Variants in NF1 observed in about 807,000 individuals in gnomAD.
NF1 encodes neurofibromin 1.
NF1 carries 122 observed loss-of-function variants against 325.7 expected under a neutral mutation model. The observed-to-expected ratio is 0.37, with a 90% CI of 0.32 to 0.44. NF1 has a LOEUF of 0.44. Among genes scored for constraint, NF1 ranks in the 20% least tolerant of loss-of-function variants. The pLI, the probability that NF1 is intolerant of heterozygous loss-of-function variation, is 1.00. For synonymous variants in NF1, 1,091 were observed against 1,186.0 expected, an observed-to-expected ratio of 0.92 and a Z score of 1.65; for missense variants, 2,140 against 3,415.4, an observed-to-expected ratio of 0.63 and a Z score of 9.31.
At chr17:31,255,141 C>T (rs1260904621) in intron 31 of NF1, among the ~76,000 whole-genome samples, 3 of 152,126 alleles carry the variant, frequency 2.0e-5, no homozygotes, top group Non-Finnish European at 4.4e-5. Flanking sequence ...GTCTGCCTAA[C>T]TCAGGGAGAA....
intron 29 of NF1, among the ~76,000 whole-genome samples, chr17:31,243,180 C>CTGTGTGTGTGTGTGTGTGTGTGTGTG (rs1162406311): frequency 9.6e-5 from 7 of 73,260 alleles, no homozygotes; most frequent in Admixed American, 2.8e-4. Flanking sequence ...GTCTCTCTCT[C>CTGTGTGTGTGTGTGTGTGTGTGTGTG]TGTCTGTGTG....
chr17:31,133,300 A>T (rs181021027), intron 1 of NF1: 1 of 152,174 alleles, frequency 6.6e-6, no homozygotes, highest in Non-Finnish European at 1.5e-5. Context: ...GTTAATCCAC[A>T]TTGCAGCATA....
intron 5 of NF1, 54 bp downstream of exon 5, chr17:31,170,051 A>C: frequency 1.9e-6 from 2 of 1,078,748 alleles, no homozygotes; most frequent in Non-Finnish European, 1.4e-6. Flanking sequence ...AAAAACTAGT[A>C]TCATGAATGT....
chr17:31,229,671 C>T, intron 21 of NF1, 164 bp from the exon 22 acceptor site: 1 of 994,942 alleles, frequency 1.0e-6, no homozygotes. Flanking sequence ...GTATACGTGC[C>T]CTGTGTATGG....
At chr17:31,337,951 C>A (rs2069721618) in intron 44 of NF1, 71 bp downstream of exon 44, 2 of 1,530,150 alleles carry the variant, frequency 1.3e-6, no homozygotes, top group Non-Finnish European at 1.8e-6. Flanking sequence ...ACTGTATGAT[C>A]AATGTTATAA....
At chr17:31,244,058 C>G (rs2067350110) in intron 29 of NF1, among the ~76,000 whole-genome samples, 1 of 152,116 alleles carries the variant, frequency 6.6e-6, no homozygotes, top group African/African-American at 2.4e-5. Flanking sequence ...CTGGGTCCTT[C>G]CTTTTAAGAC....
At chr17:31,291,055 T>C (rs950083262) in intron 36 of NF1, among the ~76,000 whole-genome samples, 3 of 151,986 alleles carry the variant, frequency 2.0e-5, no homozygotes, top group African/African-American at 7.3e-5. Flanking sequence ...TTAATGTAAC[T>C]GTAGTATTTA....
At chr17:31,311,175 A>G (rs575482052) in intron 36 of NF1, among the ~76,000 whole-genome samples, 43 of 151,210 alleles carry the variant, frequency 2.8e-4, no homozygotes, top group South Asian at 1.5e-3. Context: ...CTTGCCTTGA[A>G]CTCCTGGACT....
intron 5 of NF1, among the ~76,000 whole-genome samples, chr17:31,170,509 C>T (rs984409195): frequency 2.6e-5 from 4 of 152,204 alleles, no homozygotes; most frequent in Non-Finnish European, 5.9e-5. Context: ...TACAAAGTCC[C>T]TTAACCTTCC....
At chr17:31,120,038 T>C (rs933274718) in intron 1 of NF1, among the ~76,000 whole-genome samples, 22 of 152,174 alleles carry the variant, frequency 1.4e-4, no homozygotes, top group Admixed American at 1.2e-3. Context: ...TGAAGTCAGG[T>C]AGTGTGATGC....
At chr17:31,296,179 A>C (rs1191438246) in intron 36 of NF1, 8 of 1,613,424 alleles carry the variant, frequency 5.0e-6, no homozygotes, top group African/African-American at 1.3e-5. Context: ...CTTGCAGTCC[A>C]GATGGTAATG....
chr17:31,319,769 AACAG>A (rs1434853296), intron 36 of NF1, among the ~76,000 whole-genome samples: 2 of 150,418 alleles, frequency 1.3e-5, no homozygotes, highest in African/African-American at 4.8e-5. Context: ...AAAAAAAAAA[AACAG>A]CAAATTTCCT....
At chr17:31,354,037 T>G (rs2070213968) in intron 51 of NF1, among the ~76,000 whole-genome samples, 1 of 152,238 alleles carries the variant, frequency 6.6e-6, no homozygotes, top group African/African-American at 2.4e-5. Context: ...TTCTGGATTT[T>G]CATGCCAATG....
intron 4 of NF1, among the ~76,000 whole-genome samples, chr17:31,167,974 C>T (rs926931682): frequency 2.6e-5 from 4 of 152,010 alleles, no homozygotes; most frequent in African/African-American, 7.2e-5. Flanking sequence ...AAGGCTTACT[C>T]GGTTTTCAAA....
At chr17:31,196,665 G>A (rs2066439116) in intron 8 of NF1, among the ~76,000 whole-genome samples, 1 of 151,890 alleles carries the variant, frequency 6.6e-6, no homozygotes, top group South Asian at 2.1e-4. Context: ...GAGTTTTATA[G>A]CTTTACTGTT....
At chr17:31,114,943 C>A (rs1207730239) in intron 1 of NF1, among the ~76,000 whole-genome samples, 1 of 152,128 alleles carries the variant, frequency 6.6e-6, no homozygotes, top group Non-Finnish European at 1.5e-5. Context: ...AAGTTTTGCT[C>A]TTATATATAT....
intron 46 of NF1, among the ~76,000 whole-genome samples, chr17:31,339,715 A>C (rs1350391148): frequency 1.3e-5 from 2 of 152,252 alleles, no homozygotes; most frequent in South Asian, 4.1e-4. Context: ...TCTAAAGTCC[A>C]TGTATTTTCC....
chr17:31,287,109 AAAT>A (rs2068242704), intron 36 of NF1, among the ~76,000 whole-genome samples: 1 of 152,224 alleles, frequency 6.6e-6, no homozygotes, highest in African/African-American at 2.4e-5. Context: ...TTTAGGGGAT[AAAT>A]AACAAACCTT....
At chr17:31,358,700 A>G in intron 55 of NF1, 78 bp downstream of exon 55, 1 of 1,532,446 alleles carries the variant, frequency 6.5e-7, no homozygotes, top group South Asian at 1.1e-5. Flanking sequence ...CTGACTACAG[A>G]ATTCTTTATA....
Sources: allele counts gnomAD v4.1 joint callset (sites outside exome capture counted in the v4.1 genomes callset), GRCh38; gene constraint gnomAD v4.1.1; transcripts MANE v1.5; gene names NCBI Gene and HGNC (gene_info 2026-07-23, HGNC 2026-07-21).